Variants in WWOX observed in about 807,000 individuals in gnomAD.
WWOX encodes the protein WW domain-containing oxidoreductase.
In WWOX, 69 loss-of-function variants were observed where a neutral mutation model predicts 46.2. The ratio of observed to expected loss-of-function variants is 1.49; its 90% CI spans 1.23 to 1.82. WWOX has a LOEUF of 1.82. Among genes scored for constraint, WWOX ranks in the 40% most tolerant of loss-of-function variants. The pLI is 0.00. For synonymous variants in WWOX, 359 were observed against 202.6 expected, an observed-to-expected ratio of 1.77 and a Z score of -6.56; for missense variants, 919 against 542.6, an observed-to-expected ratio of 1.69 and a Z score of -6.89.
rs572690498 is a variant in WWOX at position 78,474,673 on chromosome 16, C to G, written c.1056+41921C>G. The stretch of plus-strand genomic sequence containing the variant: ...ATTCAGAGTTGTGCAACCATTGCCA[C>G]AGTCAGTTTTCTTACCTGAAGGAGA... On this transcript the variant is annotated intron_variant, in intron 8 of 8. Transcript: ENST00000566780. Among the ~76,000 whole-genome samples, 3 of 152,194 alleles carry G rather than the reference C, an allele frequency of 2.0e-5. No homozygotes were observed. The East Asian group carries it at 5.8e-4, about 29-fold the overall frequency.
chr16:79,193,641 G>A (rs751030193), intron 8 of WWOX, among the ~76,000 whole-genome samples: 9 of 152,112 alleles, frequency 5.9e-5, no homozygotes, highest in Admixed American at 6.5e-5. Context: ...ATTGACCCTC[G>A]CACATCTTTT....
At chr16:79,017,506 C>G (rs1231577838) in intron 8 of WWOX, 4 of 131,528 alleles carry the variant, frequency 3.0e-5, no homozygotes, top group Non-Finnish European at 4.8e-5. Flanking sequence ...GATGAGCAAA[C>G]TGTTTTTATA....
intron 8 of WWOX, among the ~76,000 whole-genome samples, chr16:78,799,557 A>G (rs2050830944): frequency 6.6e-6 from 1 of 152,152 alleles, no homozygotes; most frequent in African/African-American, 2.4e-5. Context: ...ATCTCTGCGT[A>G]TGGAATTGAG....
chr16:78,936,084 T>G (rs8047671), intron 8 of WWOX, among the ~76,000 whole-genome samples: 1,534 of 151,762 alleles, frequency 0.01, 29 homozygotes, highest in African/African-American at 0.035. Flanking sequence ...GGGTAAGTAA[T>G]TGGTTGTGAT....
chr16:78,918,295 G>C (rs747107031), intron 8 of WWOX, among the ~76,000 whole-genome samples: 6 of 152,172 alleles, frequency 3.9e-5, no homozygotes, highest in Admixed American at 2.0e-4. Context: ...CATGATATTT[G>C]TACTTCTAAG....
At chr16:79,124,779 C>T (rs1966793729) in intron 8 of WWOX, among the ~76,000 whole-genome samples, 1 of 152,080 alleles carries the variant, frequency 6.6e-6, no homozygotes, top group East Asian at 1.9e-4. Context: ...AGAAAGTGTG[C>T]AATTTTGCAA....
intron 8 of WWOX, among the ~76,000 whole-genome samples, chr16:78,692,160 G>A (rs187467332): frequency 6.6e-6 from 1 of 152,262 alleles, no homozygotes; most frequent in African/African-American, 2.4e-5. Context: ...ATACAGTGAG[G>A]AAATCCATGT....
intron 5 of WWOX, among the ~76,000 whole-genome samples, chr16:78,201,508 G>C (rs2036228621): frequency 1.3e-5 from 2 of 152,072 alleles, no homozygotes; most frequent in Non-Finnish European, 1.5e-5. Context: ...AGGCAAGAGA[G>C]AAGTAGATAT....
rs116970590 is a variant in WWOX, at chr16:78,763,074, G to C, written c.1056+330322G>C. Among the ~76,000 whole-genome samples the C allele has an allele frequency of 1.0e-3, 155 of 152,288 alleles. 1 individual carries two copies. In the East Asian group the frequency reaches 0.011, roughly 10 times the overall value. On this transcript the variant is annotated intron_variant, in intron 8 of 8. Transcript: ENST00000566780. ...AGAACATTCATATTGCAATAAAGCA[G>C]ATTTTTCCTGAGCACCTACTCTGTG...
chr16:78,519,416 G>A (rs2043302787), intron 8 of WWOX, among the ~76,000 whole-genome samples: 2 of 151,950 alleles, frequency 1.3e-5, no homozygotes, highest in South Asian at 2.1e-4. Context: ...ACCTTTCCAT[G>A]GAAGGTAAAA....
intron 5 of WWOX, among the ~76,000 whole-genome samples, chr16:78,378,130 C>T (rs1205978406): frequency 6.6e-6 from 1 of 151,116 alleles, no homozygotes; most frequent in Non-Finnish European, 1.5e-5. Context: ...TGCCCCCTGC[C>T]TAAAAAAAAG....
intron 8 of WWOX, among the ~76,000 whole-genome samples, chr16:79,209,167 C>G (rs1231613899): frequency 6.6e-6 from 1 of 152,184 alleles, no homozygotes; most frequent in African/African-American, 2.4e-5. Context: ...AGGTATGGCT[C>G]TCAGCATTGT....
chr16:78,919,193 A>T (rs185353510), intron 8 of WWOX, among the ~76,000 whole-genome samples: 117 of 152,214 alleles, frequency 7.7e-4, no homozygotes, highest in Non-Finnish European at 1.4e-3. Context: ...GCTCTGTGCT[A>T]TTCTCTTATG....
intron 8 of WWOX, among the ~76,000 whole-genome samples, chr16:79,077,720 T>G (rs904431721): frequency 6.6e-6 from 1 of 151,590 alleles, no homozygotes; most frequent in Non-Finnish European, 1.5e-5. Flanking sequence ...TGTGTGTTGG[T>G]GTAAGAAATA....
At chr16:78,515,687 C>G (rs746680707) in intron 8 of WWOX, among the ~76,000 whole-genome samples, 1 of 152,340 alleles carries the variant, frequency 6.6e-6, no homozygotes, top group African/African-American at 2.4e-5. Flanking sequence ...CCCTTCCACA[C>G]CTGCCTTTTC....
chr16:78,217,503 A>G (rs2036759857), intron 5 of WWOX, among the ~76,000 whole-genome samples: 1 of 152,224 alleles, frequency 6.6e-6, no homozygotes. Flanking sequence ...TGCTGTTCCT[A>G]AATCCTGGCT....
chr16:78,484,525 G>C (rs930550193), intron 8 of WWOX, among the ~76,000 whole-genome samples: 1 of 152,074 alleles, frequency 6.6e-6, no homozygotes, highest in African/African-American at 2.4e-5. Flanking sequence ...TTATATCTGC[G>C]TGTTATCCAC....
intron 8 of WWOX, among the ~76,000 whole-genome samples, chr16:79,183,658 A>C (rs2050956376): frequency 6.6e-6 from 1 of 152,214 alleles, no homozygotes; most frequent in South Asian, 2.1e-4. Context: ...AATGTATCAA[A>C]TAACTATGTG....
At chr16:78,660,463 G>T (rs1215899986) in intron 8 of WWOX, among the ~76,000 whole-genome samples, 3 of 152,150 alleles carry the variant, frequency 2.0e-5, no homozygotes, top group Non-Finnish European at 4.4e-5. Flanking sequence ...TGGGAGAGGA[G>T]CTGGGGTGGG....
Sources: gnomAD v4.1 joint callset for allele counts (sites outside exome capture counted in the v4.1 genomes callset) on GRCh38, gnomAD v4.1.1 for gene constraint, MANE v1.5 for transcripts, NCBI Gene and HGNC (gene_info 2026-07-23, HGNC 2026-07-21) for gene names.